Variants in PRKN observed in about 807,000 individuals in gnomAD.
PRKN encodes the protein E3 ubiquitin-protein ligase parkin.
A neutral mutation model predicts 59.5 loss-of-function variants in PRKN; 56 were observed. The ratio of observed to expected loss-of-function variants is 0.94; its 90% confidence interval spans 0.76 to 1.18. The LOEUF is 1.18. Ranked by LOEUF, PRKN falls within the 50% of genes most tolerant of loss-of-function variation. PRKN has a pLI of 0.00. For synonymous variants in PRKN, 250 were observed against 222.1 expected, an observed-to-expected ratio of 1.13 and a Z score of -1.12; for missense variants, 657 against 596.4, an observed-to-expected ratio of 1.10 and a Z score of -1.06.
At chr6:162,234,061 T>C (rs527816084) in intron 3 of PRKN, among the ~76,000 whole-genome samples, 26 of 152,302 alleles carry the variant, frequency 1.7e-4, no homozygotes, top group African/African-American at 5.3e-4. Flanking sequence ...TGACACATTC[T>C]ATGAGGAAAA....
rs187580873 is a variant in PRKN at position 162,315,022 on chromosome 6, G to T, written c.172-52257C>A. 9.9e-5 allele frequency among the ~76,000 whole-genome samples: 15 copies of T among 152,228 alleles called. 1 individual carries two copies. Among genetic ancestry groups the T allele is most frequent in the Admixed American group, 8.5e-4 (13 of 15,276 alleles). On this transcript the variant is annotated intron_variant, in intron 2 of 11. Coordinates refer to ENST00000366898, the MANE Select transcript of PRKN (RefSeq NM_004562.3). ...GTAATATTTCAAAATTAGTATTTTG[G>T]TGGTTGATCAACAGAATCCAATAAT... is the stretch of plus-strand genomic sequence containing the variant.
intron 6 of PRKN, among the ~76,000 whole-genome samples, chr6:161,908,370 TCTC>T (rs1729522239): frequency 1.3e-5 from 2 of 152,114 alleles, no homozygotes; most frequent in South Asian, 2.1e-4. Context: ...GTATGTTCCT[TCTC>T]CTCTCCTGCC....
At chr6:161,522,921 G>A (rs781186557) in intron 9 of PRKN, among the ~76,000 whole-genome samples, 1 of 152,136 alleles carries the variant, frequency 6.6e-6, no homozygotes, top group Non-Finnish European at 1.5e-5. Context: ...TATGTTTGAG[G>A]AAGGTCAAAG....
At chr6:161,368,125 C>CAGTTTTCA (rs1785283068) in intron 10 of PRKN, among the ~76,000 whole-genome samples, 4 of 151,568 alleles carry the variant, frequency 2.6e-5, no homozygotes, top group Admixed American at 2.6e-4. Context: ...TTTGAGAGCA[C>CAGTTTTCA]AGTTTTCAAA....
At chr6:161,845,337 G>A (rs1216551521) in intron 6 of PRKN, among the ~76,000 whole-genome samples, 1 of 152,090 alleles carries the variant, frequency 6.6e-6, no homozygotes, top group East Asian at 1.9e-4. Flanking sequence ...CTGTCTTCAC[G>A]TGGAACGAGG....
At chr6:162,676,001 GA>G (rs1779529415) in intron 1 of PRKN, among the ~76,000 whole-genome samples, 2 of 152,218 alleles carry the variant, frequency 1.3e-5, no homozygotes, top group South Asian at 2.1e-4. Context: ...AAATCAGCAA[GA>G]AAAAAGATAA....
chr6:162,142,490 A>G (rs1452558794), intron 4 of PRKN, among the ~76,000 whole-genome samples: 6 of 152,186 alleles, frequency 3.9e-5, no homozygotes, highest in Non-Finnish European at 1.5e-5. Context: ...TAATGATCAT[A>G]AAGGTCTTAG....
chr6:161,860,818 C>T (rs535255675), intron 6 of PRKN, among the ~76,000 whole-genome samples: 12 of 152,248 alleles, frequency 7.9e-5, no homozygotes, highest in African/African-American at 2.4e-4. Context: ...GACCAACAAA[C>T]GTATAAACAA....
At chr6:161,872,669 G>A (rs2128226920) in intron 6 of PRKN, among the ~76,000 whole-genome samples, 1 of 152,130 alleles carries the variant, frequency 6.6e-6, no homozygotes, top group South Asian at 2.1e-4. Context: ...GCAGCAGCCA[G>A]CTCCATAAAG....
rs984228876 is a variant in PRKN, at chr6:161,525,111, A to T, written c.1083+23743T>A. ...GAAAATAAGATTTTTGAGTTGACAC[A>T]TTCATTCATTTTCTAAAAGGTGTGT... On this transcript the variant is annotated intron_variant, in intron 9 of 11. Coordinates refer to ENST00000366898, the MANE Select transcript of PRKN (RefSeq NM_004562.3). This position sits in a 1 kb window ranked among gnomAD's most constrained non-coding sequence, Gnocchi z 4.7. Among the ~76,000 whole-genome samples, 3 of 148,850 alleles carry T rather than the reference A, an allele frequency of 2.0e-5. No homozygotes were observed. In the South Asian group the frequency reaches 6.5e-4, roughly 32 times the overall value.
At chr6:161,500,907 C>T (rs1228046670) in intron 9 of PRKN, among the ~76,000 whole-genome samples, 11 of 142,872 alleles carry the variant, frequency 7.7e-5, no homozygotes, top group Admixed American at 7.1e-4. Context: ...ACCAAGTCTC[C>T]CTCTGTCGCC....
At chr6:162,417,029 A>AGC (rs1204806975) in intron 2 of PRKN, among the ~76,000 whole-genome samples, 3 of 152,230 alleles carry the variant, frequency 2.0e-5, no homozygotes, top group African/African-American at 4.8e-5. Flanking sequence ...GGAGGAAATT[A>AGC]GAGTCCAGAG....
chr6:162,060,662 G>C (rs1287734083), intron 4 of PRKN, among the ~76,000 whole-genome samples: 5 of 152,140 alleles, frequency 3.3e-5, no homozygotes, highest in Non-Finnish European at 7.4e-5. Context: ...AGTCCAGACT[G>C]ACAAAACAAA....
intron 1 of PRKN, among the ~76,000 whole-genome samples, chr6:162,495,166 CT>C (rs772348942): frequency 6.6e-6 from 1 of 152,188 alleles, no homozygotes; most frequent in Non-Finnish European, 1.5e-5. Flanking sequence ...TCTTTCAGCT[CT>C]TACTAATGAA....
chr6:162,448,672 T>G (rs1442635868), intron 1 of PRKN, among the ~76,000 whole-genome samples: 1 of 152,138 alleles, frequency 6.6e-6, no homozygotes, highest in African/African-American at 2.4e-5. Flanking sequence ...TTTTGGAGCA[T>G]CCCAGGAGTC....
chr6:162,268,163 G>T (rs763675308), intron 2 of PRKN, among the ~76,000 whole-genome samples: 2 of 152,168 alleles, frequency 1.3e-5, no homozygotes, highest in African/African-American at 2.4e-5. Context: ...CTCACACTCT[G>T]ATGAGGGAAT....
In PRKN at chr6:161,437,304, G is replaced by A. The variant is rs866113628; in HGVS notation, c.1084-50427C>T. 4.6e-5 allele frequency among the ~76,000 whole-genome samples: 7 copies of A among 152,112 alleles called. No homozygotes were observed. In the South Asian group the frequency reaches 8.3e-4, roughly 18 times the overall value. ...GATGGCTACTAAGTGACTTCTGGGC[G>A]CGTGGTGTCTACAGCGTGGAGATGC... On this transcript the variant is annotated intron_variant, in intron 9 of 11. Transcript: ENST00000366898.
At chr6:162,185,610 G>C (rs1005364975) in intron 4 of PRKN, among the ~76,000 whole-genome samples, 3 of 152,076 alleles carry the variant, frequency 2.0e-5, no homozygotes, top group African/African-American at 7.2e-5. Flanking sequence ...TAGTCTAAAT[G>C]ACAGCAGCTC....
intron 9 of PRKN, among the ~76,000 whole-genome samples, chr6:161,532,267 C>G (rs1435292458): frequency 2.0e-5 from 3 of 151,544 alleles, no homozygotes; most frequent in South Asian, 2.1e-4. Flanking sequence ...TTGTGTAAAA[C>G]TAACTGGATT....
Sources: gnomAD v4.1 joint callset for allele counts (sites outside exome capture counted in the v4.1 genomes callset) on GRCh38, gnomAD v4.1.1 for gene constraint, Gnocchi (gnomAD v3.1) non-coding constraint, MANE v1.5 for transcripts, NCBI Gene and HGNC (gene_info 2026-07-23, HGNC 2026-07-21) for gene names.